Variants in NKAIN2 observed in about 807,000 individuals in gnomAD.
NKAIN2 encodes the protein sodium/potassium transporting ATPase interacting 2.
A neutral mutation model predicts 32.6 loss-of-function variants in NKAIN2; 14 were observed. The observed-to-expected ratio is 0.43, with a 90% CI of 0.28 to 0.67. NKAIN2 has a LOEUF of 0.67. Ranked by LOEUF, NKAIN2 falls within the 30% of genes least tolerant of loss-of-function variation. The pLI, the probability that NKAIN2 is intolerant of heterozygous loss-of-function variation, is 0.17. For synonymous variants in NKAIN2, 80 were observed against 87.2 expected (o/e 0.92, Z 0.46); for missense variants, 198 against 258.3 (o/e 0.77, Z 1.60).
chr6:124,768,972 C>A (rs549133790), intron 4 of NKAIN2, among the ~76,000 whole-genome samples: 55 of 152,268 alleles, frequency 3.6e-4, no homozygotes, highest in Admixed American at 3.6e-3. Flanking sequence ...ATACTTTATT[C>A]TGGTCATAAC....
intron 3 of NKAIN2, among the ~76,000 whole-genome samples, chr6:124,493,468 A>G (rs1230405259): frequency 6.6e-6 from 1 of 152,028 alleles, no homozygotes; most frequent in Admixed American, 6.6e-5. Context: ...TAGACGAGCT[A>G]GCATATAATT....
intron 1 of NKAIN2, among the ~76,000 whole-genome samples, chr6:124,011,283 T>C (rs1780311329): frequency 6.6e-6 from 1 of 152,164 alleles, no homozygotes; most frequent in African/African-American, 2.4e-5. Flanking sequence ...ATTTTTTACA[T>C]GCCCAACTGT....
chr6:124,773,865 G>A (rs1778868090), intron 4 of NKAIN2, among the ~76,000 whole-genome samples: 1 of 152,142 alleles, frequency 6.6e-6, no homozygotes, highest in Non-Finnish European at 1.5e-5. Flanking sequence ...AAGAGATACT[G>A]AGAAAATATT....
intron 3 of NKAIN2, among the ~76,000 whole-genome samples, chr6:124,409,190 TCTC>T (rs1307009250): frequency 6.6e-6 from 1 of 152,176 alleles, no homozygotes; most frequent in East Asian, 1.9e-4. Context: ...TTTATTTCCT[TCTC>T]CTGCCTGATT....
At chr6:124,618,711 C>G (rs893886262) in intron 3 of NKAIN2, among the ~76,000 whole-genome samples, 3 of 152,050 alleles carry the variant, frequency 2.0e-5, no homozygotes, top group Non-Finnish European at 4.4e-5. Flanking sequence ...GCAGGAGAAA[C>G]TTACCGGCAA....
At chr6:124,779,247 AAGAGAGAGAGAGAG>A (rs71024703) in intron 4 of NKAIN2, among the ~76,000 whole-genome samples, 30 of 75,370 alleles carry the variant, frequency 4.0e-4, no homozygotes, top group Non-Finnish European at 6.6e-4. Context: ...CCAACAAAGA[AAGAGAGAGAGAGAG>A]AGAGAGAGAG....
chr6:123,991,588 C>T (rs1192608642), intron 1 of NKAIN2, among the ~76,000 whole-genome samples: 1 of 152,046 alleles, frequency 6.6e-6, no homozygotes, highest in Non-Finnish European at 1.5e-5. Flanking sequence ...TTTGGCTGGG[C>T]ACGGTGGCTC....
At chr6:124,690,736 G>T (rs1376399626) in intron 4 of NKAIN2, among the ~76,000 whole-genome samples, 1 of 151,972 alleles carries the variant, frequency 6.6e-6, no homozygotes, top group Non-Finnish European at 1.5e-5. Context: ...CCTCCCTACT[G>T]CCACCACTGC....
chr6:124,724,283 C>T (rs909824185), intron 4 of NKAIN2, among the ~76,000 whole-genome samples: 1 of 151,962 alleles, frequency 6.6e-6, no homozygotes, highest in African/African-American at 2.4e-5. Context: ...CACAAGATGG[C>T]ACCCCAACTT....
chr6:124,346,290 C>G (rs188518771), intron 2 of NKAIN2, among the ~76,000 whole-genome samples: 2,264 of 152,102 alleles, frequency 0.015, 33 homozygotes, highest in Non-Finnish European at 0.023. Flanking sequence ...TGGTGTGGTG[C>G]TGAAAAAAAT....
intron 1 of NKAIN2, among the ~76,000 whole-genome samples, chr6:124,219,405 G>A (rs1180792202): frequency 1.3e-5 from 2 of 151,530 alleles, no homozygotes; most frequent in Admixed American, 1.3e-4. Flanking sequence ...AGCCTCCTGA[G>A]CAGCTGGGAC....
chr6:124,497,079 A>G (rs969461436), intron 3 of NKAIN2, among the ~76,000 whole-genome samples: 3 of 152,082 alleles, frequency 2.0e-5, no homozygotes, highest in African/African-American at 4.8e-5. Flanking sequence ...TTCACTTCCT[A>G]CCCCAGGGAC....
intron 1 of NKAIN2, among the ~76,000 whole-genome samples, chr6:123,923,788 T>A (rs1775873257): frequency 9.5e-6 from 1 of 105,232 alleles, no homozygotes; most frequent in Non-Finnish European, 1.8e-5. Context: ...CTGGGGACTG[T>A]TGTGGGGTGG....
chr6:124,191,817 A>T (rs554940854), intron 1 of NKAIN2, among the ~76,000 whole-genome samples: 1 of 152,128 alleles, frequency 6.6e-6, no homozygotes, highest in South Asian at 2.1e-4. Flanking sequence ...AATTTTATTA[A>T]ATGTTTCTTC....
chr6:124,030,612 A>C (rs2114785245), intron 1 of NKAIN2, among the ~76,000 whole-genome samples: 1 of 152,330 alleles, frequency 6.6e-6, no homozygotes, highest in African/African-American at 2.4e-5. Flanking sequence ...GTGCTTACTT[A>C]GACTCTGTTA....
chr6:123,835,645 G>A (rs1774586128), intron 1 of NKAIN2, among the ~76,000 whole-genome samples: 1 of 152,040 alleles, frequency 6.6e-6, no homozygotes, highest in Admixed American at 6.6e-5. Flanking sequence ...TTTATTTTGT[G>A]GTTATGATCT....
rs138762247 is a variant in NKAIN2, at chr6:124,412,875, G to A, written c.273+57528G>A. Among the ~76,000 whole-genome samples the A allele has an allele frequency of 1.6e-3, 242 of 152,270 alleles. 9 individuals carry two copies. The East Asian group carries it at 0.039, about 25-fold the overall frequency. On this transcript the variant is annotated intron_variant, in intron 3 of 6. Coordinates refer to ENST00000368417, the MANE Select transcript of NKAIN2 (RefSeq NM_001040214.3). ...TACCTACTCAAGCCTGGGCAATGGC[G>A]GGCGCCCCTCCCCGAGCCTCCCTGT...
intron 1 of NKAIN2, among the ~76,000 whole-genome samples, chr6:124,185,624 A>T (rs1246820245): frequency 6.6e-6 from 1 of 152,200 alleles, no homozygotes; most frequent in Middle Eastern, 3.2e-3. Context: ...CCAAGAAAGT[A>T]GAAGTCCTCT....
At chr6:124,727,249 TA>T (rs1776374555) in intron 4 of NKAIN2, among the ~76,000 whole-genome samples, 1 of 151,344 alleles carries the variant, frequency 6.6e-6, no homozygotes, top group African/African-American at 2.4e-5. Flanking sequence ...CCAAGACACA[TA>T]ATTGTCAGAT....
Sources: gnomAD v4.1 joint callset for allele counts (sites outside exome capture counted in the v4.1 genomes callset) on GRCh38, gnomAD v4.1.1 for gene constraint, MANE v1.5 for transcripts, NCBI Gene and HGNC (gene_info 2026-07-23, HGNC 2026-07-21) for gene names.